The following WRN variants were observed in gnomAD, a reference collection of about 807,000 sequenced individuals.
WRN encodes the protein bifunctional 3'-5' exonuclease/ATP-dependent helicase WRN.
Under a neutral mutation model 180.7 loss-of-function variants are expected in WRN, and 149 were observed. That is an observed-to-expected ratio of 0.82 (90% confidence interval 0.72 to 0.94). The LOEUF (loss-of-function observed/expected upper bound fraction) is 0.94, where lower values mean the gene tolerates loss of function less well. WRN is among the 40% of genes least tolerant of loss of function. WRN has a pLI of 0.00. For synonymous variants in WRN, 548 were observed against 568.9 expected, an observed-to-expected ratio of 0.96 and a Z score of 0.52; for missense variants, 1,661 against 1,700.1, an observed-to-expected ratio of 0.98 and a Z score of 0.40.
At position 31,143,488 on chromosome 8, in the gene WRN, T is replaced by A. The variant is rs530447609; in HGVS notation, c.3310-62T>A. ...GATTTTGAGATTTTTGTTTCTTATT[T>A]TCTTCACATTTAAAAGTTTTTTGAA... On this transcript the variant is annotated intron_variant, in intron 27 of 34. Coordinates refer to ENST00000298139, the MANE Select transcript of WRN (RefSeq NM_000553.6). 4.1e-5 allele frequency: 47 copies of A among 1,151,776 alleles called. No homozygotes were observed. The South Asian group carries it at 6.0e-4, about 15-fold the overall frequency. 71.3% of individuals were successfully genotyped at this position (1,151,776 alleles called of 1,614,324 possible). A position where few individuals can be genotyped will look rare whatever the true frequency, so the allele number is the denominator to read the frequency against.
At chr8:31,124,781 A>C (rs1010210933) in intron 22 of WRN, 127 bp from the exon 23 acceptor site, 6 of 1,195,736 alleles carry the variant, frequency 5.0e-6, no homozygotes, top group Non-Finnish European at 7.2e-6. Context: ...TGTCTGAGTA[A>C]ACTGAAGTCA....
At chr8:31,049,561 G>A (rs1812008781) in intron 1 of WRN, among the ~76,000 whole-genome samples, 1 of 109,374 alleles carries the variant, frequency 9.1e-6, no homozygotes. Flanking sequence ...CTTTTTTTGA[G>A]TGAGGTCCAA....
intron 34 of WRN, 21 bp downstream of exon 34, chr8:31,167,251 T>A (rs977056720): frequency 6.3e-7 from 1 of 1,592,616 alleles, no homozygotes; most frequent in Admixed American, 1.7e-5. Context: ...TATATAGAAT[T>A]TTCATAAAGT....
Position 31,096,993 on chromosome 8 carries a change from C to G in WRN, c.1981+143C>G, listed in dbSNP as rs7829687. 49,892 of 782,412 alleles carry G rather than the reference C, an allele frequency of 0.064. 1,851 individuals are homozygous for G. Among genetic ancestry groups the G allele is most frequent in the African/African-American group, 0.13 (7,461 of 58,470 alleles). The allele number at this position is 782,412 out of a possible 1,614,324, so 48.5% of individuals were successfully genotyped here. ...AGGAAATCTCTGACTCTCTAACTTG[C>G]TGTTTCACCTATCTTATCCCATGAT... On this transcript the variant is annotated intron_variant, in intron 17 of 34. Transcript: ENST00000298139.
intron 7 of WRN, among the ~76,000 whole-genome samples, chr8:31,068,671 T>C (rs995862257): frequency 6.6e-6 from 1 of 152,224 alleles, no homozygotes; most frequent in African/African-American, 2.4e-5. Flanking sequence ...TTCTATATAA[T>C]GCTTTAAAAC....
At chr8:31,048,655 A>G (rs552117596) in intron 1 of WRN, among the ~76,000 whole-genome samples, 2 of 152,320 alleles carry the variant, frequency 1.3e-5, no homozygotes, top group South Asian at 2.1e-4. Flanking sequence ...CAGAATTTTT[A>G]AAAAGTTTAT....
intron 32 of WRN, among the ~76,000 whole-genome samples, chr8:31,155,965 C>T (rs182797492): frequency 9.9e-4 from 151 of 152,318 alleles, no homozygotes; most frequent in African/African-American, 3.5e-3. Context: ...ATTTGACAGT[C>T]ATGTTTCTTA....
At chr8:31,053,488 A>T (rs186421621) in intron 1 of WRN, among the ~76,000 whole-genome samples, 1 of 152,202 alleles carries the variant, frequency 6.6e-6, no homozygotes, top group Non-Finnish European at 1.5e-5. Flanking sequence ...GCGGTGAGCT[A>T]TTTTATTACT....
chr8:31,075,374 A>T (rs752750567), intron 7 of WRN, among the ~76,000 whole-genome samples: 1 of 152,102 alleles, frequency 6.6e-6, no homozygotes, highest in Non-Finnish European at 1.5e-5. Context: ...ACCAGACAGG[A>T]TGAAGTTGAG....
intron 7 of WRN, among the ~76,000 whole-genome samples, chr8:31,070,130 A>G (rs1360991323): frequency 7.3e-5 from 11 of 151,664 alleles, no homozygotes; most frequent in African/African-American, 2.2e-4. Flanking sequence ...TGGTGCAAAA[A>G]TAATTGTGGT....
At chr8:31,064,849 T>TAAGA in intron 4 of WRN, 66 bp from the exon 5 acceptor site, 1 of 1,563,040 alleles carries the variant, frequency 6.4e-7, no homozygotes, top group Non-Finnish European at 8.8e-7. Flanking sequence ...ATGGTATGTA[T>TAAGA]AAGAAGTAGG....
chr8:31,144,856 G>C (rs551719999), intron 28 of WRN, among the ~76,000 whole-genome samples: 4 of 152,300 alleles, frequency 2.6e-5, no homozygotes, highest in African/African-American at 9.6e-5. Context: ...AGCAAAGCAG[G>C]CTTTTTGCTG....
Position 31,076,300 on chromosome 8 carries a change from CTT to C in WRN, c.839+24_839+25del, listed in dbSNP as rs370040831. On this transcript the variant is annotated intron_variant, in intron 8 of 34. Transcript: ENST00000298139. ...AAAACCCACGGAGGTTAAATATTAC[CTT>C]TTTTTTTTTTAACTTAAATCAATTC... The C allele has an allele frequency of 8.6e-4, 1,153 of 1,342,120 alleles. No individual in the cohort carries two copies. Among genetic ancestry groups the C allele is most frequent in the Non-Finnish European group, 9.8e-4 (944 of 963,100 alleles). 83.1% of individuals were successfully genotyped at this position (1,342,120 alleles called of 1,614,324 possible).
At chr8:31,117,347 A>G (rs1801562941) in intron 20 of WRN, among the ~76,000 whole-genome samples, 1 of 152,148 alleles carries the variant, frequency 6.6e-6, no homozygotes, top group South Asian at 2.1e-4. Context: ...CTGTGTTTTT[A>G]AATAAGATAA....
chr8:31,154,413 T>C (rs1341047391), intron 31 of WRN, among the ~76,000 whole-genome samples: 1 of 152,166 alleles, frequency 6.6e-6, no homozygotes, highest in Non-Finnish European at 1.5e-5. Context: ...AAATATTTTA[T>C]TAAAATTTTG....
chr8:31,090,482 T>C lies in WRN; in HGVS notation c.1670T>C (p.Ile557Thr), dbSNP rs1350756496. Residue 557 changes from isoleucine (I) to threonine (T), a missense_variant, in exon 14 of 35, where the codon ATT (isoleucine) becomes ACT (threonine). Ile to Thr is a moderately conservative substitution (Grantham distance 89). Coordinates refer to ENST00000298139, the MANE Select transcript of WRN (RefSeq NM_000553.6). ...SSFKPVQWKVIHSVLEERRDN... is the reference protein window; with the variant it reads ...SSFKPVQWKVTHSVLEERRDN... Reference sequence around the variant, plus strand: ...CCTTCAAGAGTTCAGTGGAAAGTGATTCATTCAGTATTAGAAGAAAGAAGA... The same window carrying C: ...CCTTCAAGAGTTCAGTGGAAAGTGACTCATTCAGTATTAGAAGAAAGAAGA... 6.2e-7 allele frequency: 1 copy of C among 1,612,106 alleles called. No individual in the cohort carries two copies. Among genetic ancestry groups the C allele is most frequent in the Non-Finnish European group, 8.5e-7 (1 of 1,178,728 alleles).
At chr8:31,123,545 G>A (rs1304045721) in intron 21 of WRN, among the ~76,000 whole-genome samples, 2 of 151,998 alleles carry the variant, frequency 1.3e-5, no homozygotes, top group South Asian at 2.1e-4. Flanking sequence ...TTTGAATAAC[G>A]GATCATTTGT....
chr8:31,099,611 G>A (rs559417428), intron 17 of WRN, among the ~76,000 whole-genome samples: 87 of 147,900 alleles, frequency 5.9e-4, no homozygotes, highest in African/African-American at 2.0e-3. Context: ...TCTTAGGACT[G>A]TTGTAGCTTG....
chr8:31,083,536 C>T (rs1448116588), intron 9 of WRN, among the ~76,000 whole-genome samples, 163 bp from the exon 10 acceptor site: 1 of 151,650 alleles, frequency 6.6e-6, no homozygotes, highest in Non-Finnish European at 1.5e-5. Context: ...TCTTCTCTCT[C>T]TCCCTTTTTT....
Sources: allele counts gnomAD v4.1 joint callset (sites outside exome capture counted in the v4.1 genomes callset), GRCh38; gene constraint gnomAD v4.1.1; transcripts MANE v1.5; gene names NCBI Gene and HGNC (gene_info 2026-07-23, HGNC 2026-07-21).